Variants in LONP2 observed in about 807,000 individuals in gnomAD.
The protein encoded by LONP2 is lon peptidase 2, peroxisomal, also known as lon protease homolog 2, peroxisomal.
LONP2 carries 60 observed loss-of-function variants against 85.6 expected under a neutral mutation model. The ratio of observed to expected loss-of-function variants is 0.70; its 90% CI spans 0.57 to 0.87. The LOEUF is 0.87. LONP2 is among the 40% of genes least tolerant of loss of function. The probability of loss-of-function intolerance (pLI) is 0.00; values close to 1 mark genes in which losing one functional copy is unlikely to be tolerated. For missense variants in LONP2, 860 were observed against 1,063.5 expected (o/e 0.81, Z 2.66); for synonymous variants, 395 against 389.7 (o/e 1.01, Z -0.16).
chr16:48,265,828 A>G lies in LONP2; in HGVS notation c.982+2956A>G, dbSNP rs144478393. ...TTTGAGTGGTATAGACATTTTAACA[A>G]CATTCTTCTAGTCTACGAACATGTA... is the stretch of plus-strand genomic sequence containing the variant. On this transcript the variant is annotated intron_variant, in intron 6 of 14. Coordinates refer to ENST00000285737, the MANE Select transcript of LONP2 (RefSeq NM_031490.5). Among the ~76,000 whole-genome samples, 1,071 of 152,276 alleles carry G rather than the reference A, an allele frequency of 7.0e-3. 17 individuals carry two copies. Among genetic ancestry groups the G allele is most frequent in the African/African-American group, 0.025 (1,021 of 41,554 alleles).
At chr16:48,246,113 C>T (rs1045969067) in intron 1 of LONP2, among the ~76,000 whole-genome samples, 6 of 152,006 alleles carry the variant, frequency 3.9e-5, no homozygotes, top group Admixed American at 1.3e-4. Flanking sequence ...GTACCTCCCC[C>T]CACCCCCGTT....
intron 11 of LONP2, among the ~76,000 whole-genome samples, chr16:48,320,128 C>CTA (rs1490017916): frequency 7.0e-6 from 1 of 142,974 alleles, no homozygotes; most frequent in Non-Finnish European, 1.5e-5. Context: ...CCACTGCACT[C>CTA]TAGCCTGGGC....
intron 11 of LONP2, among the ~76,000 whole-genome samples, chr16:48,307,608 A>G (rs1972938645): frequency 6.6e-6 from 1 of 152,230 alleles, no homozygotes; most frequent in Admixed American, 6.5e-5. Flanking sequence ...TTTGAAGAAC[A>G]TAGTATTTGA....
At chr16:48,270,819 CAAT>C (rs1972087561) in intron 7 of LONP2, among the ~76,000 whole-genome samples, 2 of 151,982 alleles carry the variant, frequency 1.3e-5, no homozygotes, top group Non-Finnish European at 2.9e-5. Context: ...TATAAAAAAA[CAAT>C]AAACTGTAAG....
At chr16:48,257,330 T>A (rs1317390810) in intron 3 of LONP2, among the ~76,000 whole-genome samples, 4 of 152,044 alleles carry the variant, frequency 2.6e-5, no homozygotes, top group African/African-American at 9.7e-5. Flanking sequence ...AAATAAATAT[T>A]TAATTTAACT....
chr16:48,303,552 A>G (rs145629634), intron 11 of LONP2, among the ~76,000 whole-genome samples: 1 of 152,350 alleles, frequency 6.6e-6, no homozygotes, highest in African/African-American at 2.4e-5. Context: ...TAGGAACTGT[A>G]TTAGGGTTCA....
chr16:48,287,923 T>A (rs888007857), intron 8 of LONP2, among the ~76,000 whole-genome samples: 16 of 152,130 alleles, frequency 1.1e-4, no homozygotes, highest in Admixed American at 9.8e-4. Context: ...AAGTGCTTCC[T>A]CCCCCATTTC....
At position 48,250,169 on chromosome 16, in the gene LONP2, G is replaced by A. The variant is rs149397048; in HGVS notation, c.234-1962G>A. Among the ~76,000 whole-genome samples, 133 of 151,474 alleles carry A rather than the reference G, an allele frequency of 8.8e-4. 1 individual carries two copies. The highest frequency in any genetic ancestry group is 3.1e-3 in the African/African-American group (129 of 41,246). ...CACGCCATTGTACGTCAGGCTGGGCGACAGGGTGAGACTCCCTCTAAAAAA... is the reference window on the plus strand; with the variant it reads ...CACGCCATTGTACGTCAGGCTGGGCAACAGGGTGAGACTCCCTCTAAAAAA... On this transcript the variant is annotated intron_variant, in intron 1 of 14. Transcript: ENST00000285737.
intron 7 of LONP2, among the ~76,000 whole-genome samples, chr16:48,275,950 A>G (rs1168099422): frequency 6.6e-6 from 1 of 152,064 alleles, no homozygotes; most frequent in African/African-American, 2.4e-5. Context: ...CTTGTTTTTG[A>G]AGTTTACTCA....
At chr16:48,254,000 C>T (rs548514130) in intron 2 of LONP2, among the ~76,000 whole-genome samples, 4 of 151,964 alleles carry the variant, frequency 2.6e-5, no homozygotes, top group Non-Finnish European at 5.9e-5. Flanking sequence ...CTCTTTCATC[C>T]CCTTCTGCAT....
At position 48,357,236 on chromosome 16, in the gene LONP2, CCAGG is replaced by C. The variant is rs1960407321; in HGVS notation, c.*5438_*5441del. Reference sequence around the variant, plus strand: ...GGTAGATACAGAGTCAGAAGTCAACCCAGGCAGTTAGAATCTACAACCCACACTG... The same window carrying C: ...GGTAGATACAGAGTCAGAAGTCAACCCAGTTAGAATCTACAACCCACACTG... On this transcript the variant is annotated 3_prime_UTR_variant, in exon 15 of 15. Coordinates refer to ENST00000285737, the MANE Select transcript of LONP2 (RefSeq NM_031490.5). 1.3e-5 allele frequency: 2 copies of C among 152,106 alleles called. No homozygotes were observed. Among genetic ancestry groups the C allele is most frequent in the Non-Finnish European group, 2.9e-5 (2 of 68,040 alleles). 9.4% of individuals were successfully genotyped at this position (152,106 alleles called of 1,614,324 possible).
intron 4 of LONP2, among the ~76,000 whole-genome samples, chr16:48,260,724 A>G (rs1214440181): frequency 6.6e-6 from 1 of 152,266 alleles, no homozygotes; most frequent in Non-Finnish European, 1.5e-5. Context: ...TAGAGAGATC[A>G]TAGAGAATAC....
chr16:48,305,426 T>C (rs1457257279), intron 11 of LONP2, among the ~76,000 whole-genome samples: 2 of 152,228 alleles, frequency 1.3e-5, no homozygotes, highest in African/African-American at 4.8e-5. Flanking sequence ...GGCTAATTTT[T>C]GTATTTTTAG....
chr16:48,263,339 C>T (rs61055548), intron 6 of LONP2, among the ~76,000 whole-genome samples: 1,866 of 152,264 alleles, frequency 0.012, 40 homozygotes, highest in African/African-American at 0.042. Context: ...TAACCATCAC[C>T]TCCCATTTCC....
At chr16:48,328,202 G>C (rs1490092033) in intron 11 of LONP2, among the ~76,000 whole-genome samples, 1 of 152,192 alleles carries the variant, frequency 6.6e-6, no homozygotes, top group Non-Finnish European at 1.5e-5. Context: ...CTGAGGCCAG[G>C]AGTTCAAGAC....
At chr16:48,273,767 A>G (rs905148949) in intron 7 of LONP2, among the ~76,000 whole-genome samples, 2 of 152,152 alleles carry the variant, frequency 1.3e-5, no homozygotes, top group African/African-American at 4.8e-5. Context: ...TCTTTGGTAA[A>G]AAGAAATAAT....
chr16:48,301,166 A>G (rs969525586), intron 10 of LONP2, among the ~76,000 whole-genome samples: 4 of 152,144 alleles, frequency 2.6e-5, no homozygotes, highest in African/African-American at 9.7e-5. Flanking sequence ...GAGTATCAAT[A>G]TTTGAGTTTT....
chr16:48,321,214 C>T (rs1973256283), intron 11 of LONP2, among the ~76,000 whole-genome samples: 1 of 152,142 alleles, frequency 6.6e-6, no homozygotes, highest in South Asian at 2.1e-4. Context: ...CATTGTTATA[C>T]ATTATCAAAA....
intron 8 of LONP2, among the ~76,000 whole-genome samples, chr16:48,295,382 G>C (rs1192673643): frequency 6.6e-6 from 1 of 152,092 alleles, no homozygotes; most frequent in African/African-American, 2.4e-5. Context: ...AAGAAAAAAA[G>C]AGTTATTGAT....
Sources: allele counts gnomAD v4.1 joint callset (sites outside exome capture counted in the v4.1 genomes callset), GRCh38; gene constraint gnomAD v4.1.1; transcripts MANE v1.5; gene names NCBI Gene and HGNC (gene_info 2026-07-23, HGNC 2026-07-21).